CDH4: variants seen among roughly 807,000 people sequenced by gnomAD.
CDH4 encodes the protein cadherin 4.
In CDH4, 33 loss-of-function variants were observed where a neutral mutation model predicts 86.0. That is an observed-to-expected ratio of 0.38 (90% confidence interval 0.29 to 0.51). The LOEUF (loss-of-function observed/expected upper bound fraction) is 0.51. Ranked by LOEUF, CDH4 falls within the 20% of genes least tolerant of loss-of-function variation. The pLI is 0.86. For synonymous variants in CDH4, 555 were observed against 549.4 expected (o/e 1.01, Z -0.14); for missense variants, 1,114 against 1,307.4 (o/e 0.85, Z 2.28).
intron 7 of CDH4, among the ~76,000 whole-genome samples, chr20:61,877,611 G>C (rs1984089705): frequency 6.6e-6 from 1 of 152,190 alleles, no homozygotes; most frequent in Non-Finnish European, 1.5e-5. Context: ...GTGTGCTGGA[G>C]AGGGCGGTCC....
intron 2 of CDH4, among the ~76,000 whole-genome samples, chr20:61,573,128 G>T (rs1328518030): frequency 1.3e-5 from 2 of 152,158 alleles, no homozygotes; most frequent in Non-Finnish European, 2.9e-5. Flanking sequence ...GTTTCCCTTT[G>T]CAGGTCCTAC....
chr20:61,347,136 A>C (rs990224295), intron 2 of CDH4, among the ~76,000 whole-genome samples: 3 of 152,192 alleles, frequency 2.0e-5, no homozygotes, highest in Non-Finnish European at 4.4e-5. Context: ...CCCCTGACTC[A>C]TGGACTGCGG....
At chr20:61,667,836 G>A (rs1340383065) in intron 2 of CDH4, among the ~76,000 whole-genome samples, 3 of 152,206 alleles carry the variant, frequency 2.0e-5, no homozygotes, top group Non-Finnish European at 2.9e-5. Context: ...GGGCAGAGGA[G>A]CAAGGAACTC....
intron 2 of CDH4, among the ~76,000 whole-genome samples, chr20:61,600,417 G>A (rs1360717740): frequency 1.3e-5 from 2 of 152,216 alleles, no homozygotes; most frequent in Non-Finnish European, 2.9e-5. Flanking sequence ...GGGTCCTTCG[G>A]GGTCCTGGCT....
At position 61,311,210 on chromosome 20, in the gene CDH4, C is replaced by T. The variant is rs73319139; in HGVS notation, c.169+56273C>T. Among the ~76,000 whole-genome samples the T allele has an allele frequency of 6.4e-3, 980 of 152,268 alleles. 16 individuals carry two copies. Among genetic ancestry groups the T allele is most frequent in the African/African-American group, 0.022 (910 of 41,548 alleles). On this transcript the variant is annotated intron_variant, in intron 2 of 15. Transcript: ENST00000614565. ...TTAAACACACACCCACACCCACACACACCCACACCAGCAATGTGTGTTTAT... is the reference window on the plus strand; with the variant it reads ...TTAAACACACACCCACACCCACACATACCCACACCAGCAATGTGTGTTTAT...
At chr20:61,669,821 T>C (rs1482875712) in intron 2 of CDH4, among the ~76,000 whole-genome samples, 1 of 152,174 alleles carries the variant, frequency 6.6e-6, no homozygotes, top group Non-Finnish European at 1.5e-5. Flanking sequence ...GGATGGGATG[T>C]GACATTTCAG....
chr20:61,717,068 T>C (rs915893211), intron 2 of CDH4, among the ~76,000 whole-genome samples: 1 of 152,164 alleles, frequency 6.6e-6, no homozygotes, highest in African/African-American at 2.4e-5. Context: ...CTTCTTCCCA[T>C]CCCTGCTCCT....
At chr20:61,914,119 C>T (rs1181604741) in intron 9 of CDH4, among the ~76,000 whole-genome samples, 1 of 152,214 alleles carries the variant, frequency 6.6e-6, no homozygotes, top group Admixed American at 6.5e-5. Context: ...CAGTCAACAT[C>T]AGTGGCACTG....
chr20:61,495,958 G>T (rs574684992), intron 2 of CDH4, among the ~76,000 whole-genome samples: 159 of 151,470 alleles, frequency 1.0e-3, no homozygotes, highest in African/African-American at 3.6e-3. Flanking sequence ...CACACAGCAG[G>T]AGAGAGGAAG....
chr20:61,795,766 G>C (rs1979501722), intron 4 of CDH4, among the ~76,000 whole-genome samples: 2 of 152,120 alleles, frequency 1.3e-5, no homozygotes, highest in African/African-American at 4.8e-5. Flanking sequence ...AAGAGCCACT[G>C]GGCTGGAGTT....
intron 6 of CDH4, among the ~76,000 whole-genome samples, chr20:61,860,618 A>T (rs575672937): frequency 6.6e-6 from 1 of 152,126 alleles, no homozygotes; most frequent in Non-Finnish European, 1.5e-5. Context: ...AAGGGCCCCA[A>T]TGCAAGGCAA....
At chr20:61,512,773 C>G (rs562479416) in intron 2 of CDH4, among the ~76,000 whole-genome samples, 1 of 152,216 alleles carries the variant, frequency 6.6e-6, no homozygotes, top group African/African-American at 2.4e-5. Context: ...ATCCCAGGAG[C>G]ACGTCCATTC....
At chr20:61,877,026 C>G (rs897533521) in intron 7 of CDH4, among the ~76,000 whole-genome samples, 3 of 152,184 alleles carry the variant, frequency 2.0e-5, no homozygotes, top group Admixed American at 1.3e-4. Context: ...CGCCACGGAG[C>G]CCACGACCCC....
chr20:61,936,015 A>G (rs1383047056), intron 15 of CDH4, among the ~76,000 whole-genome samples: 4 of 152,086 alleles, frequency 2.6e-5, no homozygotes, highest in African/African-American at 7.2e-5. Flanking sequence ...CAGGAGGAGC[A>G]GGTGCTGGCA....
chr20:61,869,407 C>A (rs918873391), intron 6 of CDH4, among the ~76,000 whole-genome samples: 2 of 152,246 alleles, frequency 1.3e-5, no homozygotes, highest in Admixed American at 6.5e-5. Context: ...TGTGTGCCCG[C>A]AAAGCCTGAC....
At position 61,683,512 on chromosome 20, in the gene CDH4, G is replaced by A. The variant is rs371105444; in HGVS notation, c.170-60051G>A. ...CCCCGGGAGTGCGGCCCAGGCAGAT[G>A]GTACCAGAACGGGGTGCCGTGCTAG... On this transcript the variant is annotated intron_variant, in intron 2 of 15. Transcript: ENST00000614565. 3.9e-5 allele frequency among the ~76,000 whole-genome samples: 6 copies of A among 152,298 alleles called. No homozygotes were observed. In the East Asian group the frequency reaches 1.2e-3, roughly 29 times the overall value.
chr20:61,343,451 G>T (rs947210375), intron 2 of CDH4, among the ~76,000 whole-genome samples: 2 of 152,234 alleles, frequency 1.3e-5, no homozygotes, highest in Admixed American at 6.5e-5. Context: ...GTGTGCATGG[G>T]TGTCTGCTGT....
intron 2 of CDH4, among the ~76,000 whole-genome samples, chr20:61,280,548 C>T (rs1166703738): frequency 3.9e-5 from 6 of 152,236 alleles, no homozygotes; most frequent in Admixed American, 3.9e-4. Context: ...AGGCAGGCTC[C>T]AACTAGAAAG....
chr20:61,596,267 G>A (rs533574921), intron 2 of CDH4, among the ~76,000 whole-genome samples: 11 of 152,342 alleles, frequency 7.2e-5, no homozygotes, highest in East Asian at 3.9e-4. Context: ...ACAGGTGCAC[G>A]CGCACTTCTG....
Sources: allele counts gnomAD v4.1 joint callset (sites outside exome capture counted in the v4.1 genomes callset), GRCh38; gene constraint gnomAD v4.1.1; transcripts MANE v1.5; gene names NCBI Gene and HGNC (gene_info 2026-07-23, HGNC 2026-07-21).